The following STK10 variants were observed in gnomAD, a reference collection of about 807,000 sequenced individuals.
STK10 encodes serine/threonine-protein kinase 10.
Under a neutral mutation model 113.8 loss-of-function variants are expected in STK10, and 78 were observed. That is an observed-to-expected ratio of 0.69 (90% CI 0.57 to 0.83). The LOEUF (loss-of-function observed/expected upper bound fraction) is 0.83. Ranked by LOEUF, STK10 falls within the 40% of genes least tolerant of loss-of-function variation. The probability of loss-of-function intolerance (pLI) is 0.00; values close to 1 mark genes in which losing one functional copy is unlikely to be tolerated. For synonymous variants in STK10, 465 were observed against 494.7 expected, an observed-to-expected ratio of 0.94 and a Z score of 0.80; for missense variants, 1,109 against 1,280.1, an observed-to-expected ratio of 0.87 and a Z score of 2.04.
chr5:172,140,906 A>G (rs79047330), intron 2 of STK10, among the ~76,000 whole-genome samples: 3,938 of 152,302 alleles, frequency 0.026, 188 homozygotes, highest in African/African-American at 0.089. Context: ...AAAATGTAGT[A>G]TGTACACACA....
intron 1 of STK10, among the ~76,000 whole-genome samples, chr5:172,185,137 G>C (rs1770930781): frequency 6.6e-6 from 1 of 152,000 alleles, no homozygotes; most frequent in Admixed American, 6.6e-5. Flanking sequence ...AATCTTACCA[G>C]CATGAAAGCA....
intron 15 of STK10, among the ~76,000 whole-genome samples, 173 bp from the exon 16 acceptor site, chr5:172,055,949 C>T (rs1767744206): frequency 6.6e-6 from 1 of 152,218 alleles, no homozygotes; most frequent in Admixed American, 6.5e-5. Context: ...ATTATTTGTT[C>T]TCACTTTAAA....
intron 18 of STK10, among the ~76,000 whole-genome samples, chr5:172,048,225 T>C (rs78398343): frequency 0.024 from 3,713 of 152,236 alleles, 160 homozygotes; most frequent in African/African-American, 0.083. Flanking sequence ...CCCTTCATCA[T>C]GTGGGTGGGC....
chr5:172,085,035 A>G (rs1190192472), intron 10 of STK10, among the ~76,000 whole-genome samples: 2 of 152,202 alleles, frequency 1.3e-5, no homozygotes, highest in Non-Finnish European at 2.9e-5. Context: ...ACTTGAGCTC[A>G]GGAGTTCAAG....
chr5:172,048,620 GTTCAAGATACCACC>G (rs1321078089), intron 18 of STK10, among the ~76,000 whole-genome samples: 1 of 109,430 alleles, frequency 9.1e-6, no homozygotes, highest in African/African-American at 7.0e-5. Context: ...TACCATCCTA[GTTCAAGATACCACC>G]CTAGTCCAAG....
At chr5:172,126,044 G>A (rs1316290960) in intron 3 of STK10, among the ~76,000 whole-genome samples, 2 of 152,152 alleles carry the variant, frequency 1.3e-5, no homozygotes, top group East Asian at 3.9e-4. Context: ...CTTGAATGGT[G>A]TGACATTATC....
intron 18 of STK10, 38 bp downstream of exon 18, chr5:172,052,891 G>C: frequency 6.2e-7 from 1 of 1,602,234 alleles, no homozygotes; most frequent in Middle Eastern, 2.0e-4. Flanking sequence ...GCACAGAGCA[G>C]AGCCCGAGAC....
At chr5:172,146,285 G>A (rs908973719) in intron 2 of STK10, among the ~76,000 whole-genome samples, 7 of 152,148 alleles carry the variant, frequency 4.6e-5, no homozygotes, top group Non-Finnish European at 8.8e-5. Context: ...CTGTCTAAAC[G>A]AGGGAGGTGG....
intron 3 of STK10, among the ~76,000 whole-genome samples, chr5:172,124,491 C>T (rs1274543790): frequency 1.3e-5 from 2 of 152,146 alleles, no homozygotes; most frequent in African/African-American, 2.4e-5. Flanking sequence ...ACCCAAGAGC[C>T]ATATAACATG....
Position 172,082,300 on chromosome 5 carries a change from C to G in STK10, c.1989+26G>C. 6.7e-7 allele frequency: 1 copy of G among 1,497,114 alleles called. No individual in the cohort carries two copies. The highest frequency in any genetic ancestry group is 2.4e-5 in the Admixed American group (1 of 42,220). The allele number at this position is 1,497,114 out of a possible 1,614,324, so 92.7% of individuals were successfully genotyped here. ...AAGGCCCCTAATACTCCGAGATGCC[C>G]CTGCCCCCACTGAGCACATACTCAC... On this transcript the variant is annotated intron_variant, in intron 12 of 18. Transcript: ENST00000176763. The surrounding 1 kb of genome is among the most constrained non-coding windows in gnomAD (Gnocchi z 4.3).
intron 14 of STK10, among the ~76,000 whole-genome samples, chr5:172,059,004 A>G (rs1034995450): frequency 6.6e-6 from 1 of 151,548 alleles, no homozygotes; most frequent in Admixed American, 6.6e-5. Context: ...CAGGCAGATC[A>G]CAAGGTCAGG....
rs1474378967 is a variant in STK10, at chr5:172,055,618, G to A, written c.2496C>T (p.Ser832=). The A allele has an allele frequency of 9.7e-6, 15 of 1,545,596 alleles. No homozygotes were observed. In the Admixed American group the frequency reaches 1.9e-4, roughly 20 times the overall value. The change falls in exon 16 of 19, where the codon AGC becomes AGT. Residue 832 remains serine, a synonymous_variant. Coordinates refer to ENST00000176763, the MANE Select transcript of STK10 (RefSeq NM_005990.4). ...TGATCTTCTCACGCTGCTCAGCTGC[G>A]CTGCCCCCGCCGTTGATGTGGAGGC... ...KKSLHINGGG[S]AAEQREKIKQ...
chr5:172,101,196 C>T (rs767543525), intron 7 of STK10, among the ~76,000 whole-genome samples: 12 of 152,220 alleles, frequency 7.9e-5, no homozygotes, highest in Non-Finnish European at 1.2e-4. Context: ...TTTGGCCAGG[C>T]GTGGTGGCTC....
At chr5:172,155,329 C>T (rs1037900959) in intron 2 of STK10, among the ~76,000 whole-genome samples, 1 of 151,980 alleles carries the variant, frequency 6.6e-6, no homozygotes, top group Admixed American at 6.6e-5. Flanking sequence ...GAAACCCCGT[C>T]TCTACTAAAA....
intron 12 of STK10, among the ~76,000 whole-genome samples, chr5:172,068,895 AAC>A (rs1768125004): frequency 6.7e-6 from 1 of 149,878 alleles, no homozygotes; most frequent in Non-Finnish European, 1.5e-5. Flanking sequence ...AAAAAAAAAA[AAC>A]AAAACCAAAA....
chr5:172,135,362 G>C (rs1023140471), intron 2 of STK10, among the ~76,000 whole-genome samples: 2 of 151,686 alleles, frequency 1.3e-5, no homozygotes, highest in Non-Finnish European at 2.9e-5. Flanking sequence ...AAATACAAAA[G>C]TTAGCCAGGT....
At chr5:172,110,092 C>G (rs1009807218) in intron 4 of STK10, among the ~76,000 whole-genome samples, 1 of 152,254 alleles carries the variant, frequency 6.6e-6, no homozygotes, top group East Asian at 1.9e-4. Context: ...CAGGCTCCAT[C>G]AGGAGCGAGA....
At chr5:172,134,786 T>C (rs1310432925) in intron 2 of STK10, among the ~76,000 whole-genome samples, 2 of 149,364 alleles carry the variant, frequency 1.3e-5, no homozygotes, top group Non-Finnish European at 3.0e-5. Context: ...TAGCGGGGTA[T>C]GGTGGCACAC....
intron 1 of STK10, among the ~76,000 whole-genome samples, chr5:172,184,049 G>A (rs1315506565): frequency 6.6e-6 from 1 of 152,130 alleles, no homozygotes; most frequent in Non-Finnish European, 1.5e-5. Flanking sequence ...AAAGACCTCA[G>A]GAAGCCTTCG....
Sources: allele counts gnomAD v4.1 joint callset (sites outside exome capture counted in the v4.1 genomes callset), GRCh38; gene constraint gnomAD v4.1.1; non-coding constraint Gnocchi (gnomAD v3.1); transcripts MANE v1.5; gene names NCBI Gene and HGNC (gene_info 2026-07-23, HGNC 2026-07-21).